P3H2: variants seen among roughly 807,000 people sequenced by gnomAD.
The protein encoded by P3H2 is leprecan-like 1.
In P3H2, 80 loss-of-function variants were observed where a neutral mutation model predicts 87.0. The ratio of observed to expected loss-of-function variants is 0.92; its 90% confidence interval spans 0.77 to 1.11. The LOEUF (loss-of-function observed/expected upper bound fraction) is 1.11. Ranked by LOEUF, P3H2 falls within the 50% of genes least tolerant of loss-of-function variation. The pLI is 0.00. For synonymous variants in P3H2, 367 were observed against 359.3 expected (o/e 1.02, Z -0.24); for missense variants, 1,001 against 923.9 (o/e 1.08, Z -1.08).
intron 1 of P3H2, among the ~76,000 whole-genome samples, chr3:190,014,859 T>TA (rs1265398750): frequency 6.6e-6 from 1 of 152,014 alleles, no homozygotes; most frequent in Non-Finnish European, 1.5e-5. Context: ...GGAGCCTTGG[T>TA]AAGAGGGAAT....
chr3:189,994,968 G>T (rs1389805150), intron 2 of P3H2, among the ~76,000 whole-genome samples: 1 of 151,920 alleles, frequency 6.6e-6, no homozygotes, highest in Non-Finnish European at 1.5e-5. Flanking sequence ...GTTCAGAGAG[G>T]ATTATAGAGA....
chr3:190,100,405 A>G (rs79666261), intron 1 of P3H2, among the ~76,000 whole-genome samples: 10,566 of 152,242 alleles, frequency 0.069, 487 homozygotes, highest in African/African-American at 0.13. Flanking sequence ...ACTAGGATTT[A>G]TTAAAATGAG....
At chr3:190,078,086 C>T (rs888101003) in intron 1 of P3H2, among the ~76,000 whole-genome samples, 1 of 152,172 alleles carries the variant, frequency 6.6e-6, no homozygotes, top group Non-Finnish European at 1.5e-5. Flanking sequence ...GTAGCGACTC[C>T]AAATCCTCTC....
intron 1 of P3H2, among the ~76,000 whole-genome samples, chr3:190,000,769 A>T (rs1273927281): frequency 6.6e-6 from 1 of 152,246 alleles, no homozygotes; most frequent in Non-Finnish European, 1.5e-5. Flanking sequence ...TTTAGAAGTT[A>T]GAGAAGGACG....
intron 11 of P3H2, 143 bp from the exon 12 acceptor site, chr3:189,972,150 A>T: frequency 1.4e-6 from 1 of 701,396 alleles, no homozygotes; most frequent in African/African-American, 1.7e-5. Flanking sequence ...ATAAAAGAAC[A>T]GTGGACAAGT....
intron 1 of P3H2, among the ~76,000 whole-genome samples, chr3:190,059,189 C>A (rs1726259492): frequency 6.6e-6 from 1 of 152,106 alleles, no homozygotes; most frequent in Non-Finnish European, 1.5e-5. Context: ...CTCCTACTTC[C>A]CCCAACCTGT....
At position 190,028,977 on chromosome 3, in the gene P3H2, C is replaced by T. The variant is rs553063725; in HGVS notation, c.481-33535G>A. On this transcript the variant is annotated intron_variant, in intron 1 of 14. Coordinates refer to ENST00000319332, the MANE Select transcript of P3H2 (RefSeq NM_018192.4). ...GTGGGGGAAGCCAGGGAGAAATTTC[C>T]AGGAAGCTAAGGTAGAGGTAGAAAC... 4.6e-5 allele frequency among the ~76,000 whole-genome samples: 7 copies of T among 152,216 alleles called. No homozygotes were observed. The South Asian group carries it at 1.5e-3, about 32-fold the overall frequency.
At chr3:190,099,376 C>A (rs1711538724) in intron 1 of P3H2, among the ~76,000 whole-genome samples, 3 of 152,170 alleles carry the variant, frequency 2.0e-5, no homozygotes, top group Admixed American at 1.3e-4. Flanking sequence ...TATAGTCGGA[C>A]AAACCACGAG....
intron 10 of P3H2, among the ~76,000 whole-genome samples, 191 bp downstream of exon 10, chr3:189,973,718 G>GTTTCACCA: frequency 6.6e-6 from 1 of 151,664 alleles, no homozygotes; most frequent in East Asian, 1.9e-4. Flanking sequence ...TAGAGACGGG[G>GTTTCACCA]TTTCACCATG....
chr3:189,980,029 T>C (rs934031727), intron 8 of P3H2, among the ~76,000 whole-genome samples: 4 of 152,082 alleles, frequency 2.6e-5, no homozygotes, highest in African/African-American at 9.7e-5. Context: ...GTGACAGCAA[T>C]GTTTTTTAGT....
intron 1 of P3H2, among the ~76,000 whole-genome samples, chr3:190,108,087 A>G (rs1246080719): frequency 6.6e-6 from 1 of 152,094 alleles, no homozygotes; most frequent in African/African-American, 2.4e-5. Context: ...GATTACAGGC[A>G]TGAGGCATTG....
At chr3:190,117,196 T>C (rs1488018433) in intron 1 of P3H2, among the ~76,000 whole-genome samples, 1 of 152,248 alleles carries the variant, frequency 6.6e-6, no homozygotes, top group African/African-American at 2.4e-5. Context: ...TTTACCTTTC[T>C]ATTAAACATT....
chr3:190,121,921 G>C (rs761004064), upstream of P3H2, among the ~76,000 whole-genome samples: 3 of 151,870 alleles, frequency 2.0e-5, no homozygotes, highest in Admixed American at 6.6e-5. Flanking sequence ...GCAAAACCCC[G>C]TCTCTACTAA....
intron 1 of P3H2, among the ~76,000 whole-genome samples, chr3:190,007,904 A>T (rs751078330): frequency 1.4e-5 from 2 of 143,564 alleles, no homozygotes; most frequent in Non-Finnish European, 3.0e-5. Context: ...AAAACCTTCT[A>T]GTCTGCTTCA....
At position 190,087,352 on chromosome 3, in the gene P3H2, G is replaced by T. The variant is rs567507615; in HGVS notation, c.480+32900C>A. On this transcript the variant is annotated intron_variant, in intron 1 of 14. Coordinates refer to ENST00000319332, the MANE Select transcript of P3H2 (RefSeq NM_018192.4). ...GAGATCGAGACCATCCTGGCTAACA[G>T]AGTGAAACCCCATCTCTACTAAAAA... Among the ~76,000 whole-genome samples the T allele has an allele frequency of 3.1e-4, 47 of 151,634 alleles. 1 individual carries two copies. Among genetic ancestry groups the T allele is most frequent in the African/African-American group, 9.7e-4 (40 of 41,306 alleles).
intron 1 of P3H2, among the ~76,000 whole-genome samples, chr3:190,012,795 CTCTGGGGGCAGAGT>C (rs2108935637): frequency 6.6e-6 from 1 of 152,294 alleles, no homozygotes; most frequent in East Asian, 1.9e-4. Flanking sequence ...CCCAGTGGCT[CTCTGGGGGCAGAGT>C]TCTGAAGACA....
chr3:190,118,272 T>C (rs1020093872), intron 1 of P3H2, among the ~76,000 whole-genome samples: 4 of 152,070 alleles, frequency 2.6e-5, no homozygotes, highest in African/African-American at 9.7e-5. Context: ...GTATTCTTTC[T>C]CCAGATATGA....
chr3:190,120,913 C>T (rs960185286), upstream of P3H2: 21 of 963,532 alleles, frequency 2.2e-5, no homozygotes, highest in Non-Finnish European at 3.0e-5. Flanking sequence ...CCGTGCCTGG[C>T]CAGCCGCTCT....
intron 1 of P3H2, among the ~76,000 whole-genome samples, chr3:190,102,833 G>A (rs1274469987): frequency 2.0e-5 from 3 of 151,556 alleles, no homozygotes; most frequent in African/African-American, 7.3e-5. Flanking sequence ...TAATTAATGG[G>A]GCAAACTTTC....
Sources: gnomAD v4.1 joint callset for allele counts (sites outside exome capture counted in the v4.1 genomes callset) on GRCh38, gnomAD v4.1.1 for gene constraint, MANE v1.5 for transcripts, NCBI Gene and HGNC (gene_info 2026-07-23, HGNC 2026-07-21) for gene names.